The following ABHD14A variants were observed in gnomAD, a reference collection of about 807,000 sequenced individuals.
ABHD14A encodes the protein protein ABHD14A.
ABHD14A carries 19 observed loss-of-function variants against 27.0 expected under a neutral mutation model. That is an observed-to-expected ratio of 0.70 (90% CI 0.49 to 1.03). ABHD14A has a LOEUF of 1.03. Ranked by LOEUF, ABHD14A falls within the 50% of genes least tolerant of loss-of-function variation. ABHD14A has a pLI of 0.00. For missense variants in ABHD14A, 311 were observed against 344.6 expected (o/e 0.90, Z 0.77); for synonymous variants, 148 against 158.8 (o/e 0.93, Z 0.51).
intron 3 of ABHD14A, chr3:51,980,119 T>C: frequency 2.2e-6 from 1 of 460,186 alleles, no homozygotes; most frequent in Non-Finnish European, 4.2e-6. Flanking sequence ...AGACGGAGTT[T>C]CACCGTGTTA....
chr3:51,975,464 GGT>G (rs1391407592), intron 1 of ABHD14A, among the ~76,000 whole-genome samples: 236 of 142,638 alleles, frequency 1.7e-3, no homozygotes, highest in African/African-American at 5.3e-3. Context: ...TTGGGGGGGG[GGT>G]GTGTTCGTTG....
chr3:51,980,138 G>T, intron 3 of ABHD14A: 1 of 530,200 alleles, frequency 1.9e-6, no homozygotes, highest in East Asian at 4.2e-5. Flanking sequence ...TAGCCAGGAT[G>T]GTCTCGATCT....
At chr3:51,975,800 T>A (rs1700775633) in intron 1 of ABHD14A, among the ~76,000 whole-genome samples, 1 of 152,082 alleles carries the variant, frequency 6.6e-6, no homozygotes, top group Admixed American at 6.5e-5. Flanking sequence ...CACGGGCCAG[T>A]GTGTGTGCAA....
At chr3:51,976,924 C>G (rs1700799120) in intron 1 of ABHD14A, among the ~76,000 whole-genome samples, 1 of 152,164 alleles carries the variant, frequency 6.6e-6, no homozygotes, top group African/African-American at 2.4e-5. Flanking sequence ...GGGCTGTCCT[C>G]TGGGGTGGCA....
Position 51,981,113 on chromosome 3 carries a change from C to A in ABHD14A, c.*95C>A. ...GGGAGACAGCCTCTGGGATTGGAGG[C>A]CAGAGGCCAGGGTCAGACCCAGCCA... is the stretch of plus-strand genomic sequence containing the variant. On this transcript the variant is annotated 3_prime_UTR_variant, in exon 5 of 5. Transcript: ENST00000273596. The A allele has an allele frequency of 1.4e-6, 2 of 1,418,876 alleles. No homozygotes were observed. The highest frequency in any genetic ancestry group is 1.9e-6 in the Non-Finnish European group (2 of 1,032,600). 87.9% of individuals were successfully genotyped at this position (1,418,876 alleles called of 1,614,324 possible).
chr3:51,980,487 T>C lies in ABHD14A; in HGVS notation c.492T>C (p.Asn164=). The C allele has an allele frequency of 1.9e-6, 3 of 1,613,848 alleles. No homozygotes were observed. Among genetic ancestry groups the C allele is most frequent in the Non-Finnish European group, 2.5e-6 (3 of 1,180,042 alleles). ...CGCTGCGGGACCTGGAGGTACAGAA[T>C]GCCGTGTTGGTGAGCCCCTCGCTGA... is the stretch of plus-strand genomic sequence containing the variant. ...ERALRDLEVQ[N]AVLVSPSLSG... is the part of the protein sequence containing the mutation. The change falls in exon 4 of 5, where the codon AAT becomes AAC. Residue 164 remains asparagine, a synonymous_variant. Coordinates refer to ENST00000273596, the MANE Select transcript of ABHD14A (RefSeq NM_015407.5).
At chr3:51,975,538 T>G in intron 1 of ABHD14A, among the ~76,000 whole-genome samples, 1 of 151,908 alleles carries the variant, frequency 6.6e-6, no homozygotes, top group East Asian at 1.9e-4. Context: ...CGTGTGATTT[T>G]AAGGGTATGT....
chr3:51,975,095 C>A lies in ABHD14A; in HGVS notation c.-41C>A, dbSNP rs1349198984. ...GCGCCGAGATGGCCGCGCTCCTGGC[C>A]GCCTAGAGCCGGAGCGGCCCGCGGA... On this transcript the variant is annotated 5_prime_UTR_variant, in exon 1 of 5. Transcript: ENST00000273596. The A allele has an allele frequency of 7.8e-6, 10 of 1,276,122 alleles. No individual in the cohort carries two copies. The highest frequency in any genetic ancestry group is 4.7e-5 in the African/African-American group (3 of 64,426). 79.0% of individuals were successfully genotyped at this position (1,276,122 alleles called of 1,614,324 possible).
intron 1 of ABHD14A, among the ~76,000 whole-genome samples, chr3:51,976,113 C>A (rs116231949): frequency 0.012 from 1,838 of 152,334 alleles, 35 homozygotes; most frequent in African/African-American, 0.042. Flanking sequence ...CCCTCGCGCC[C>A]GGTGGGAATC....
Position 51,980,635 on chromosome 3 carries a change from G to C in ABHD14A, c.633+7G>C, listed in dbSNP as rs1451788960. 2 of 1,611,408 alleles carry C rather than the reference G, an allele frequency of 1.2e-6. No homozygotes were observed. Among genetic ancestry groups the C allele is most frequent in the Non-Finnish European group, 1.7e-6 (2 of 1,178,228 alleles). ...GCAATTCTGGGCTGTGAAGGTACTGGGAGAAGGATCTCAAAGGTCCTGGCA... is the reference window on the plus strand; with the variant it reads ...GCAATTCTGGGCTGTGAAGGTACTGCGAGAAGGATCTCAAAGGTCCTGGCA... On this transcript the variant is annotated splice_region_variant and intron_variant, in intron 4 of 4. Coordinates refer to ENST00000273596, the MANE Select transcript of ABHD14A (RefSeq NM_015407.5).
At position 51,978,368 on chromosome 3, in the gene ABHD14A, C is replaced by A; in HGVS notation, c.391C>A (p.Leu131Ile). ...QRGYRAVALDLPGFGNSAPSK... is the reference protein window; with the variant it reads ...QRGYRAVALDIPGFGNSAPSK... ...GGGCTACCGGGCCGTGGCCCTTGAC[C>A]TTCCAGGTGAGCACCCCCACCCCTT... Residue 131 changes from leucine (L) to isoleucine (I), a missense_variant, in exon 3 of 5, where the codon CTT becomes ATT. By Grantham distance (5) the Leu-to-Ile change is conservative. Coordinates refer to ENST00000273596, the MANE Select transcript of ABHD14A (RefSeq NM_015407.5). 3 of 1,551,064 alleles carry A rather than the reference C, an allele frequency of 1.9e-6. No homozygotes were observed. The highest frequency in any genetic ancestry group is 2.6e-6 in the Non-Finnish European group (3 of 1,146,504).
chr3:51,980,217 C>T (rs1215205769), intron 3 of ABHD14A, 176 bp from the exon 4 acceptor site: 7 of 719,660 alleles, frequency 9.7e-6, no homozygotes, highest in Admixed American at 4.0e-5. Context: ...CCACCACTCT[C>T]GGCCAAGATA....
In ABHD14A at chr3:51,980,827, G is replaced by A; in HGVS notation, c.634-9G>A. 1 of 1,607,614 alleles carries A rather than the reference G, an allele frequency of 6.2e-7. No homozygotes were observed. ...CCCCAAGATCACAGCCCCCTGCCTT[G>A]CCCTGCAGACTCCAACCCTTATCCT... On this transcript the variant is annotated splice_polypyrimidine_tract_variant and intron_variant, in intron 4 of 4. Transcript: ENST00000273596.
chr3:51,975,962 C>T (rs1439209699), intron 1 of ABHD14A, among the ~76,000 whole-genome samples: 1 of 152,260 alleles, frequency 6.6e-6, no homozygotes, highest in Non-Finnish European at 1.5e-5. Flanking sequence ...CCCCCGCAAA[C>T]CCCCGCAGGC....
chr3:51,977,664 C>T (rs1424169172), intron 1 of ABHD14A, among the ~76,000 whole-genome samples: 1 of 152,234 alleles, frequency 6.6e-6, no homozygotes, highest in Non-Finnish European at 1.5e-5. Flanking sequence ...TCAGATGCAC[C>T]TCCTCACACT....
chr3:51,976,350 C>G (rs1229875144), intron 1 of ABHD14A, among the ~76,000 whole-genome samples: 1 of 152,200 alleles, frequency 6.6e-6, no homozygotes, highest in Admixed American at 6.5e-5. Flanking sequence ...GCCCCCGGCT[C>G]CTAGTTCGGG....
In ABHD14A at chr3:51,981,032, C is replaced by T. The variant is rs1700899624; in HGVS notation, c.*14C>T. The T allele has an allele frequency of 6.3e-7, 1 of 1,599,768 alleles. No individual in the cohort carries two copies. Among genetic ancestry groups the T allele is most frequent in the African/African-American group, 1.3e-5 (1 of 74,840 alleles). ...CATCTACCTTGAACTAACCCACTCC[C>T]AGCTCCCAGCCTGGCATGAGCTTGG... is the stretch of plus-strand genomic sequence containing the variant. On this transcript the variant is annotated 3_prime_UTR_variant, in exon 5 of 5. Transcript: ENST00000273596.
At chr3:51,980,356 C>T in intron 3 of ABHD14A, 37 bp from the exon 4 acceptor site, 3 of 1,601,724 alleles carry the variant, frequency 1.9e-6, no homozygotes, top group Non-Finnish European at 2.6e-6. Context: ...GTGCCCCTTC[C>T]CAGTGCCCCT....
At position 51,980,607 on chromosome 3, in the gene ABHD14A, G is replaced by A; in HGVS notation, c.612G>A (p.Gln204=). 1.2e-6 allele frequency: 2 copies of A among 1,613,934 alleles called. No homozygotes were observed. The highest frequency in any genetic ancestry group is 2.2e-5 in the South Asian group (2 of 91,070). The change falls in exon 4 of 5, where the codon CAG becomes CAA. Residue 204 remains glutamine (Q), a synonymous_variant. Transcript: ENST00000273596. ...CCACCTCCACCCAGAACTACACCCA[G>A]GAGCAATTCTGGGCTGTGAAGGTAC... ...IAPTSTQNYT[Q]EQFWAVKTPT...
Sources: allele counts gnomAD v4.1 joint callset (sites outside exome capture counted in the v4.1 genomes callset), GRCh38; gene constraint gnomAD v4.1.1; transcripts MANE v1.5; gene names NCBI Gene and HGNC (gene_info 2026-07-23, HGNC 2026-07-21).